DLGAP2: variants seen among roughly 807,000 people sequenced by gnomAD.
DLGAP2 encodes the protein disks large-associated protein 2.
Under a neutral mutation model 100.3 loss-of-function variants are expected in DLGAP2, and 26 were observed. That is an observed-to-expected ratio of 0.26 (90% CI 0.19 to 0.36). The LOEUF (loss-of-function observed/expected upper bound fraction) is 0.36. DLGAP2 is among the 10% of genes least tolerant of loss of function. The pLI, the probability that DLGAP2 is intolerant of heterozygous loss-of-function variation, is 1.00. For synonymous variants in DLGAP2, 886 were observed against 630.1 expected, an observed-to-expected ratio of 1.41 and a Z score of -6.08; for missense variants, 1,858 against 1,453.2, an observed-to-expected ratio of 1.28 and a Z score of -4.53.
chr8:1,087,654 T>A (rs978011707), intron 2 of DLGAP2, among the ~76,000 whole-genome samples: 1 of 152,056 alleles, frequency 6.6e-6, no homozygotes, highest in African/African-American at 2.4e-5. Context: ...CACATCAACA[T>A]CTTTGATTCC....
At chr8:1,499,396 A>C (rs1460363562) in intron 3 of DLGAP2, among the ~76,000 whole-genome samples, 1 of 152,194 alleles carries the variant, frequency 6.6e-6, no homozygotes, top group African/African-American at 2.4e-5. Context: ...CCATTGTTTT[A>C]GTTCATCCCC....
At chr8:905,440 C>T (rs1584879155) in intron 1 of DLGAP2, among the ~76,000 whole-genome samples, 1 of 152,098 alleles carries the variant, frequency 6.6e-6, no homozygotes, top group African/African-American at 2.4e-5. Flanking sequence ...ACTGGTGACT[C>T]TCAAGCGATT....
chr8:799,938 AAT>A (rs1796113731), intron 1 of DLGAP2, among the ~76,000 whole-genome samples: 2 of 152,172 alleles, frequency 1.3e-5, no homozygotes, highest in African/African-American at 4.8e-5. Flanking sequence ...CTCATGAATT[AAT>A]GCTGTAATTG....
intron 1 of DLGAP2, among the ~76,000 whole-genome samples, chr8:849,489 T>C (rs1288383974): frequency 6.6e-6 from 1 of 152,162 alleles, no homozygotes; most frequent in Non-Finnish European, 1.5e-5. Flanking sequence ...AGTGGCTGTG[T>C]CAATGGTAGT....
chr8:1,213,102 G>GCTTT (rs1365217284), intron 2 of DLGAP2, among the ~76,000 whole-genome samples: 1 of 152,096 alleles, frequency 6.6e-6, no homozygotes, highest in Non-Finnish European at 1.5e-5. Context: ...CTGTCTCAAA[G>GCTTT]ATCTCCAGGT....
Position 1,290,244 on chromosome 8 carries a change from G to A in DLGAP2, c.106+31361G>A, listed in dbSNP as rs371158030. Among the ~76,000 whole-genome samples the A allele has an allele frequency of 1.3e-4, 20 of 152,342 alleles. No individual in the cohort carries two copies. In the South Asian group the frequency reaches 3.9e-3, roughly 30 times the overall value. On this transcript the variant is annotated intron_variant, in intron 3 of 14. Coordinates refer to ENST00000637795, the MANE Select transcript of DLGAP2 (RefSeq NM_001346810.2). Reference sequence around the variant, plus strand: ...GAGTTAGCAAAGCTGAGAAAGTCGGGAAAGGAATCACGTCCGTCGCGCTCC... The same window carrying A: ...GAGTTAGCAAAGCTGAGAAAGTCGGAAAAGGAATCACGTCCGTCGCGCTCC...
At chr8:1,289,747 C>T (rs970223144) in intron 3 of DLGAP2, among the ~76,000 whole-genome samples, 8 of 152,144 alleles carry the variant, frequency 5.3e-5, no homozygotes, top group African/African-American at 1.4e-4. Flanking sequence ...CAGGAGAGCC[C>T]GGCCTCCCCC....
chr8:1,389,358 C>T (rs1796294416), intron 3 of DLGAP2, among the ~76,000 whole-genome samples: 1 of 151,768 alleles, frequency 6.6e-6, no homozygotes, highest in Admixed American at 6.6e-5. Flanking sequence ...CTGCAGCATC[C>T]CGGGGAAGCC....
At chr8:799,493 T>G (rs542566980) in intron 1 of DLGAP2, among the ~76,000 whole-genome samples, 44 of 152,334 alleles carry the variant, frequency 2.9e-4, no homozygotes, top group African/African-American at 1.1e-3. Context: ...GCTTACTTCA[T>G]GTTTTGTTTT....
intron 8 of DLGAP2, among the ~76,000 whole-genome samples, chr8:1,652,015 C>G (rs1283098079): frequency 6.6e-6 from 1 of 152,214 alleles, no homozygotes; most frequent in African/African-American, 2.4e-5. Flanking sequence ...GCCCCACTTG[C>G]CCAGTGAGGC....
intron 1 of DLGAP2, among the ~76,000 whole-genome samples, chr8:761,201 C>G (rs151057231): frequency 0.023 from 3,542 of 152,264 alleles, 154 homozygotes; most frequent in Admixed American, 0.12. Flanking sequence ...ACTTTACTTT[C>G]TCCTCTGCTC....
At chr8:1,481,029 G>A (rs1031517516) in intron 3 of DLGAP2, among the ~76,000 whole-genome samples, 2 of 150,724 alleles carry the variant, frequency 1.3e-5, no homozygotes, top group Admixed American at 6.6e-5. Context: ...AAAATTAGCT[G>A]GGCGTGGTGG....
chr8:1,100,246 G>A (rs1241632078), intron 2 of DLGAP2, among the ~76,000 whole-genome samples: 2 of 149,910 alleles, frequency 1.3e-5, no homozygotes, highest in Non-Finnish European at 3.0e-5. Context: ...CATGTCCACA[G>A]TGGACAGCGT....
At chr8:1,050,242 T>G (rs1435758599) in intron 2 of DLGAP2, among the ~76,000 whole-genome samples, 1 of 152,240 alleles carries the variant, frequency 6.6e-6, no homozygotes, top group Non-Finnish European at 1.5e-5. Flanking sequence ...TAACCATGGT[T>G]TGACACACAA....
At chr8:1,295,473 G>A (rs973555577) in intron 3 of DLGAP2, among the ~76,000 whole-genome samples, 1 of 152,134 alleles carries the variant, frequency 6.6e-6, no homozygotes, top group Non-Finnish European at 1.5e-5. Context: ...CCCCAGCCAC[G>A]TCAGCGGGAA....
At chr8:1,320,743 C>A (rs1341718521) in intron 3 of DLGAP2, among the ~76,000 whole-genome samples, 1 of 152,240 alleles carries the variant, frequency 6.6e-6, no homozygotes, top group Non-Finnish European at 1.5e-5. Flanking sequence ...CCAGACCTCT[C>A]CAACTCCTGC....
chr8:926,699 C>T (rs931422315), intron 2 of DLGAP2, among the ~76,000 whole-genome samples: 6 of 152,118 alleles, frequency 3.9e-5, no homozygotes, highest in Non-Finnish European at 7.4e-5. Flanking sequence ...GGGTGGCCGC[C>T]GAGGGGCTGG....
chr8:1,045,717 G>A (rs924915357), intron 2 of DLGAP2, among the ~76,000 whole-genome samples: 1 of 152,144 alleles, frequency 6.6e-6, no homozygotes. Flanking sequence ...CCTTTTTTAG[G>A]GACAGGTGTG....
At chr8:931,844 C>CA (rs1798966103) in intron 2 of DLGAP2, among the ~76,000 whole-genome samples, 1 of 152,126 alleles carries the variant, frequency 6.6e-6, no homozygotes, top group Admixed American at 6.5e-5. Context: ...AATGAAACAA[C>CA]ATAATGTATG....
Sources: allele counts gnomAD v4.1 joint callset (sites outside exome capture counted in the v4.1 genomes callset), GRCh38; gene constraint gnomAD v4.1.1; transcripts MANE v1.5; gene names NCBI Gene and HGNC (gene_info 2026-07-23, HGNC 2026-07-21).